CERS1: variants seen among roughly 807,000 people sequenced by gnomAD.
CERS1 encodes the protein ceramide synthase 1.
In CERS1, 16 loss-of-function variants were observed where a neutral mutation model predicts 35.7. That is an observed-to-expected ratio of 0.45 (90% CI 0.30 to 0.68). CERS1 has a LOEUF of 0.68. Ranked by LOEUF, CERS1 falls within the 30% of genes least tolerant of loss-of-function variation. The probability of loss-of-function intolerance (pLI) is 0.08; values close to 1 mark genes in which losing one functional copy is unlikely to be tolerated. For synonymous variants in CERS1, 243 were observed against 201.6 expected (o/e 1.21, Z -1.74); for missense variants, 454 against 453.9 (o/e 1.00, Z 0.00).
intron 2 of CERS1, 55 bp from the exon 3 acceptor site, chr19:18,884,322 C>T: frequency 6.6e-7 from 1 of 1,519,040 alleles, no homozygotes; most frequent in Non-Finnish European, 8.9e-7. Context: ...AGACGATCGC[C>T]TCCATGACCC....
chr19:18,893,029 G>T (rs1398340692), intron 2 of CERS1, among the ~76,000 whole-genome samples: 1 of 151,888 alleles, frequency 6.6e-6, no homozygotes, highest in African/African-American at 2.4e-5. Flanking sequence ...CGATTCTCCT[G>T]CCTCAGCCTC....
intron 3 of CERS1, chr19:18,881,929 C>A (rs2056220856): frequency 6.6e-6 from 1 of 152,276 alleles, no homozygotes; most frequent in South Asian, 2.1e-4. Flanking sequence ...CCCACCTCAG[C>A]CTCTTGAGTA....
chr19:18,891,890 C>T (rs2056499894), intron 2 of CERS1, among the ~76,000 whole-genome samples: 1 of 148,208 alleles, frequency 6.7e-6, no homozygotes, highest in African/African-American at 2.5e-5. Flanking sequence ...ACTTCTCATT[C>T]TCATCTTTTT....
intron 6 of CERS1, among the ~76,000 whole-genome samples, chr19:18,873,645 C>T (rs1262020401): frequency 6.6e-6 from 1 of 151,940 alleles, no homozygotes; most frequent in Non-Finnish European, 1.5e-5. Context: ...CAAGACCAGC[C>T]TGGGCCAACA....
chr19:18,890,453 A>T (rs2146059622), intron 2 of CERS1, among the ~76,000 whole-genome samples: 1 of 152,356 alleles, frequency 6.6e-6, no homozygotes, highest in East Asian at 1.9e-4. Context: ...AGACATGGAA[A>T]TAATCAGCTA....
chr19:18,868,703 A>G lies in CERS1; in HGVS notation c.*1282T>C. The G allele has an allele frequency of 6.4e-7, 1 of 1,554,764 alleles. No individual in the cohort carries two copies. Among genetic ancestry groups the G allele is most frequent in the South Asian group, 1.2e-5 (1 of 84,714 alleles). ...GGAGATGGGCGACAGGCGCGCGGGC[A>G]CGCAGCAGGGCAGGTCGGCGGCTCC... On this transcript the variant is annotated 3_prime_UTR_variant, in exon 8 of 8. Transcript: ENST00000623882.
At chr19:18,889,960 C>T (rs774282010) in intron 2 of CERS1, among the ~76,000 whole-genome samples, 94 of 152,192 alleles carry the variant, frequency 6.2e-4, no homozygotes, top group African/African-American at 2.2e-3. Flanking sequence ...GCTCCCATCC[C>T]CTCCCCTCAG....
At position 18,895,709 on chromosome 19, in the gene CERS1, C is replaced by T. The variant is rs931498397; in HGVS notation, c.249+115G>A. On this transcript the variant is annotated intron_variant, in intron 1 of 7. Coordinates refer to ENST00000623882, the MANE Select transcript of CERS1 (RefSeq NM_021267.5). This position sits in a 1 kb window ranked among gnomAD's most constrained non-coding sequence, Gnocchi z 6.4. ...GGCCCCCACCCACGTTCCGGCGACC[C>T]CTTCATCCGCAGCAGCCAGCGCTGG... 6.0e-5 allele frequency: 29 copies of T among 485,122 alleles called. No individual in the cohort carries two copies. Among genetic ancestry groups the T allele is most frequent in the Non-Finnish European group, 8.2e-5 (28 of 340,188 alleles). 30.1% of individuals were successfully genotyped at this position (485,122 alleles called of 1,614,324 possible). A position where few individuals can be genotyped will look rare whatever the true frequency, so the allele number is the denominator to read the frequency against.
intron 2 of CERS1, among the ~76,000 whole-genome samples, chr19:18,884,556 T>C (rs1449101667): frequency 6.6e-6 from 1 of 151,742 alleles, no homozygotes; most frequent in African/African-American, 2.4e-5. Flanking sequence ...TACAGGTGCA[T>C]GCCACCAAGC....
At chr19:18,889,187 C>T (rs750124283) in intron 2 of CERS1, among the ~76,000 whole-genome samples, 16 of 152,030 alleles carry the variant, frequency 1.1e-4, no homozygotes, top group Middle Eastern at 3.4e-3. Context: ...CCACTGCACC[C>T]GGCCCACTTC....
chr19:18,888,322 G>A (rs1343262315), intron 2 of CERS1, among the ~76,000 whole-genome samples: 3 of 151,454 alleles, frequency 2.0e-5, no homozygotes, highest in African/African-American at 7.3e-5. Context: ...TGGTGCCACC[G>A]CACTCCAGCC....
At chr19:18,880,030 C>T (rs1263451075) in intron 4 of CERS1, among the ~76,000 whole-genome samples, 3 of 151,722 alleles carry the variant, frequency 2.0e-5, no homozygotes, top group Non-Finnish European at 4.4e-5. Flanking sequence ...ACCCACCTCA[C>T]CTGGCTTATC....
chr19:18,892,471 G>A (rs1169431044), intron 2 of CERS1, among the ~76,000 whole-genome samples: 7 of 151,836 alleles, frequency 4.6e-5, no homozygotes, highest in Admixed American at 1.3e-4. Context: ...AAAATTAGCC[G>A]GGCGTGGTGG....
chr19:18,885,702 G>A (rs1467849811), intron 2 of CERS1, among the ~76,000 whole-genome samples: 1 of 148,016 alleles, frequency 6.8e-6, no homozygotes, highest in East Asian at 2.0e-4. Context: ...TTTTTTTTCA[G>A]TAGAGACAGG....
At chr19:18,886,864 CCA>C (rs1357058723) in intron 2 of CERS1, among the ~76,000 whole-genome samples, 5 of 152,200 alleles carry the variant, frequency 3.3e-5, no homozygotes, top group Non-Finnish European at 7.3e-5. Context: ...TTGGCCCATG[CCA>C]CCCCCACCCC....
intron 2 of CERS1, among the ~76,000 whole-genome samples, chr19:18,886,321 G>A (rs1025578709): frequency 8.5e-5 from 13 of 152,196 alleles, no homozygotes; most frequent in Non-Finnish European, 1.6e-4. Flanking sequence ...AGGCCGAGGC[G>A]GGCGGATCAC....
At chr19:18,881,285 T>C (rs2056200890) in intron 3 of CERS1, among the ~76,000 whole-genome samples, 1 of 151,098 alleles carries the variant, frequency 6.6e-6, no homozygotes, top group Non-Finnish European at 1.5e-5. Flanking sequence ...AATGGCACGA[T>C]CTCAGCTCAC....
intron 2 of CERS1, among the ~76,000 whole-genome samples, chr19:18,892,633 C>T (rs1475880833): frequency 2.0e-5 from 3 of 151,930 alleles, no homozygotes; most frequent in Admixed American, 6.6e-5. Flanking sequence ...AAAACAACCA[C>T]ATCCAGAACA....
At chr19:18,888,530 A>C (rs961248591) in intron 2 of CERS1, among the ~76,000 whole-genome samples, 50 of 144,462 alleles carry the variant, frequency 3.5e-4, no homozygotes, top group African/African-American at 1.2e-3. Flanking sequence ...AAAAAAAAAA[A>C]AAAAAAAAAA....
Sources: gnomAD v4.1 joint callset for allele counts (sites outside exome capture counted in the v4.1 genomes callset) on GRCh38, gnomAD v4.1.1 for gene constraint, Gnocchi (gnomAD v3.1) non-coding constraint, MANE v1.5 for transcripts, NCBI Gene and HGNC (gene_info 2026-07-23, HGNC 2026-07-21) for gene names.